Variants in MIA2 observed in about 807,000 individuals in gnomAD.
MIA2 encodes the protein MIA SH3 domain ER export factor 2.
In MIA2, 127 loss-of-function variants were observed where a neutral mutation model predicts 167.8. The observed-to-expected ratio is 0.76, with a 90% CI of 0.66 to 0.88. MIA2 has a LOEUF of 0.88. Among genes scored for constraint, MIA2 ranks in the 40% least tolerant of loss-of-function variants. The pLI is 0.00. For synonymous variants in MIA2, 552 were observed against 541.9 expected, an observed-to-expected ratio of 1.02 and a Z score of -0.26; for missense variants, 1,690 against 1,624.7, an observed-to-expected ratio of 1.04 and a Z score of -0.69.
intron 3 of MIA2, among the ~76,000 whole-genome samples, chr14:39,241,941 C>A (rs2054062648): frequency 6.6e-6 from 1 of 152,234 alleles, no homozygotes; most frequent in Middle Eastern, 3.4e-3. Flanking sequence ...AGGCTCTTTC[C>A]CAGCCTGGGG....
exon 24 of MIA2, chr14:39,387,226 C>T: frequency 2.6e-6 from 1 of 388,126 alleles, no homozygotes. Context: ...AAGTGAAAAC[C>T]TCAAAAGGAT....
intron 23 of MIA2, among the ~76,000 whole-genome samples, chr14:39,320,356 G>A (rs2066198210): frequency 6.6e-6 from 1 of 152,170 alleles, no homozygotes; most frequent in South Asian, 2.1e-4. Context: ...TAGATAAAGT[G>A]ATTTAGTTGA....
chr14:39,308,557 T>C lies in MIA2; in HGVS notation c.2987T>C (p.Leu996Ser). Residue 996 changes from leucine (L) to serine (S), a missense_variant, in exon 18 of 29, where the codon TTA (leucine) becomes TCA (serine). Coordinates refer to ENST00000640607, the MANE Select transcript of MIA2 (RefSeq NM_001329214.4). ...LQQKLKVMTE[L>S]YQENEMKLHR... ...CAGAAACTTAAAGTAATGACTGAAT[T>C]ATATCAAGAAAATGAAATGAAACTC... 1 of 1,565,082 alleles carries C rather than the reference T, an allele frequency of 6.4e-7. No homozygotes were observed. Among genetic ancestry groups the C allele is most frequent in the Non-Finnish European group, 8.7e-7 (1 of 1,155,102 alleles).
chr14:39,296,156 G>A (rs147717515), intron 13 of MIA2, among the ~76,000 whole-genome samples: 1 of 151,920 alleles, frequency 6.6e-6, no homozygotes, highest in African/African-American at 2.4e-5. Context: ...TCTTTCTCCT[G>A]TGTTAGATCT....
chr14:39,329,953 G>C (rs2068431803), intron 25 of MIA2, among the ~76,000 whole-genome samples: 1 of 152,130 alleles, frequency 6.6e-6, no homozygotes, highest in Non-Finnish European at 1.5e-5. Context: ...GTCTCTGCCA[G>C]GTTTTGGTAT....
intron 6 of MIA2, among the ~76,000 whole-genome samples, chr14:39,274,600 A>G (rs1038446128): frequency 1.3e-5 from 2 of 149,700 alleles, no homozygotes; most frequent in East Asian, 2.0e-4. Context: ...TAATTTTTGT[A>G]TTTTTGGTAG....
At chr14:39,276,677 C>T (rs2058047656) in intron 6 of MIA2, 1 of 376,572 alleles carries the variant, frequency 2.7e-6, no homozygotes, top group East Asian at 6.0e-5. Flanking sequence ...CTTTGGCCTT[C>T]TCTTATTCTC....
At chr14:39,311,466 CTTTTTTTTTTTTT>C (rs35478238) in intron 18 of MIA2, among the ~76,000 whole-genome samples, 6 of 43,322 alleles carry the variant, frequency 1.4e-4, no homozygotes, top group Non-Finnish European at 2.0e-4. Flanking sequence ...TGATGTGTTG[CTTTTTTTTTTTTT>C]TTTTTTTTTT....
rs1028183558 is a variant in MIA2 at position 39,295,013 on chromosome 14, A to G, written c.2480A>G (p.Gln827Arg). 6.2e-7 allele frequency: 1 copy of G among 1,611,138 alleles called. No individual in the cohort carries two copies. Among genetic ancestry groups the G allele is most frequent in the African/African-American group, 1.3e-5 (1 of 74,902 alleles). Reference protein sequence around the residue: ...KDALNENSQLQESQKQLLQEA... With the variant: ...KDALNENSQLRESQKQLLQEA... ...GCTTTGAATGAAAATTCTCAACTTCAGGAAAGCCAGAAACAGGTTTGTGCT... is the reference window on the plus strand; with the variant it reads ...GCTTTGAATGAAAATTCTCAACTTCGGGAAAGCCAGAAACAGGTTTGTGCT... The change falls in exon 13 of 29, where the codon CAG becomes CGG. Residue 827 changes from glutamine (Q) to arginine (R), a missense_variant. Gln to Arg is a conservative substitution (Grantham distance 43). Coordinates refer to ENST00000640607, the MANE Select transcript of MIA2 (RefSeq NM_001329214.4).
Position 39,288,067 on chromosome 14 carries a change from G to A in MIA2, c.2131-2952G>A, listed in dbSNP as rs924874607. ...TTGCCATGTTGCACAGGCTGGTCTCGAACTCCTCGGACTTCCCAAAGTGTT... is the reference window on the plus strand; with the variant it reads ...TTGCCATGTTGCACAGGCTGGTCTCAAACTCCTCGGACTTCCCAAAGTGTT... On this transcript the variant is annotated intron_variant, in intron 9 of 28. Coordinates refer to ENST00000640607, the MANE Select transcript of MIA2 (RefSeq NM_001329214.4). Among the ~76,000 whole-genome samples the A allele has an allele frequency of 3.3e-5, 5 of 152,042 alleles. No homozygotes were observed. The South Asian group carries it at 1.0e-3, about 32-fold the overall frequency.
chr14:39,288,451 ATATATATATATATATATATATATATTT>A (rs2060151795), intron 9 of MIA2, among the ~76,000 whole-genome samples: 1 of 8,794 alleles, frequency 1.1e-4, no homozygotes, highest in African/African-American at 4.1e-4. Context: ...ATATATATAT[ATATATATATATATATATATATATATTT>A]TTTTTTTTTT....
At position 39,327,263 on chromosome 14, in the gene MIA2, TAATG is replaced by T. The variant is rs139052524; in HGVS notation, c.3655+242_3655+245del. 8.8e-3 allele frequency among the ~76,000 whole-genome samples: 1,337 copies of T among 152,324 alleles called. 21 individuals are homozygous for T. Among genetic ancestry groups the T allele is most frequent in the African/African-American group, 0.03 (1,230 of 41,566 alleles). On this transcript the variant is annotated intron_variant, in intron 25 of 28. Coordinates refer to ENST00000640607, the MANE Select transcript of MIA2 (RefSeq NM_001329214.4). ...TTGTTTTTGTTGCTTGTAGAGGTAA[TAATG>T]CATGTTTACTTTAGAAAATCCAAAC...
At position 39,321,045 on chromosome 14, in the gene MIA2, G is replaced by A; in HGVS notation, c.3485G>A (p.Gly1162Glu). 6.2e-7 allele frequency: 1 copy of A among 1,612,504 alleles called. No homozygotes were observed. Among genetic ancestry groups the A allele is most frequent in the Non-Finnish European group, 8.5e-7 (1 of 1,179,328 alleles). The change falls in exon 24 of 29, where the codon GGA (glycine) becomes GAA (glutamate). Residue 1162 changes from glycine (G) to glutamate (E), a missense_variant. Coordinates refer to ENST00000640607, the MANE Select transcript of MIA2 (RefSeq NM_001329214.4). The stretch of plus-strand genomic sequence containing the variant: ...AGACTCTCACCTTTGCTTCCAGGGG[G>A]AGGAGGAAGAGGTATATTGTTTAAA... ...PLRLSPLLPG[G>E]GGRGSRGPGN...
intron 26 of MIA2, chr14:39,346,888 G>T (rs753608815): frequency 3.0e-6 from 1 of 333,532 alleles, no homozygotes; most frequent in South Asian, 2.5e-5. Flanking sequence ...TTACAAGCAT[G>T]AGACACCTTG....
At chr14:39,361,885 T>C (rs750761192) in intron 23 of MIA2, among the ~76,000 whole-genome samples, 2 of 152,224 alleles carry the variant, frequency 1.3e-5, no homozygotes, top group African/African-American at 4.8e-5. Flanking sequence ...CTTCTGTATT[T>C]AGTGTTTTGA....
chr14:39,244,461 T>C (rs950465808), intron 3 of MIA2, among the ~76,000 whole-genome samples: 2 of 152,226 alleles, frequency 1.3e-5, no homozygotes, highest in African/African-American at 4.8e-5. Flanking sequence ...AGGTAGTAGA[T>C]GGCAGGGTTG....
At chr14:39,386,068 G>C in intron 23 of MIA2, 1 of 1,261,822 alleles carries the variant, frequency 7.9e-7, no homozygotes, top group South Asian at 1.3e-5. Context: ...AAGGCCTACT[G>C]TCTTTAAGAA....
chr14:39,357,310 C>T (rs1423297359), intron 23 of MIA2, among the ~76,000 whole-genome samples: 2 of 152,102 alleles, frequency 1.3e-5, no homozygotes, highest in Non-Finnish European at 2.9e-5. Context: ...TATGTAATGG[C>T]CTTGTTTGTC....
chr14:39,359,335 G>A lies in MIA2; in HGVS notation c.2248+10358G>A, dbSNP rs565946694. On this transcript the variant is annotated intron_variant, in intron 23 of 23. Coordinates refer to the MIA2 transcript ENST00000341502. ...TAGCAATGAGTGAGGCTCCGTGGGC[G>A]TAGGACCCTTTGAGCCAGGCGTGGG... 7.0e-4 allele frequency among the ~76,000 whole-genome samples: 107 copies of A among 152,334 alleles called. 1 individual carries two copies. The South Asian group carries it at 0.019, about 27-fold the overall frequency.
Sources: allele counts gnomAD v4.1 joint callset (sites outside exome capture counted in the v4.1 genomes callset), GRCh38; gene constraint gnomAD v4.1.1; transcripts MANE v1.5; gene names NCBI Gene and HGNC (gene_info 2026-07-23, HGNC 2026-07-21).